Variants in MRC1 observed in about 807,000 individuals in gnomAD.
MRC1 encodes the protein mannose receptor C-type 1, also known as macrophage mannose receptor 1.
MRC1 carries 62 observed loss-of-function variants against 102.9 expected under a neutral mutation model. That is an observed-to-expected ratio of 0.60 (90% CI 0.49 to 0.74). The LOEUF (loss-of-function observed/expected upper bound fraction) is 0.74, where lower values mean the gene tolerates loss of function less well. MRC1 is among the 30% of genes least tolerant of loss of function. The pLI is 0.00. For synonymous variants in MRC1, 457 were observed against 298.4 expected (o/e 1.53, Z -5.48); for missense variants, 1,237 against 862.8 (o/e 1.43, Z -5.43).
chr10:17,888,386 C>T (rs1833629276), intron 22 of MRC1, among the ~76,000 whole-genome samples: 1 of 152,142 alleles, frequency 6.6e-6, no homozygotes, highest in African/African-American at 2.4e-5. Flanking sequence ...ATGTCTGTGG[C>T]AGGAGTGTAG....
chr10:17,898,082 T>C lies in MRC1; in HGVS notation c.3299T>C (p.Val1100Ala), dbSNP rs1350352907. Residue 1100 changes from valine to alanine, a missense_variant, in exon 24 of 30, where the codon GTT becomes GCT. Val to Ala is a moderately conservative substitution (Grantham distance 64). Coordinates refer to ENST00000569591, the MANE Select transcript of MRC1 (RefSeq NM_002438.4). ...GCAACGATTCAAACAGATGGCTTTG[T>C]TAAATATGGCAAAAGCAGCTATTCA... Reference protein sequence around the residue: ...PPATIQTDGFVKYGKSSYSLM... With the variant: ...PPATIQTDGFAKYGKSSYSLM... 3.5e-5 allele frequency: 27 copies of C among 780,744 alleles called. No individual in the cohort carries two copies. Among genetic ancestry groups the C allele is most frequent in the Non-Finnish European group, 6.5e-5 (27 of 417,952 alleles). The allele number at this position is 780,744 out of a possible 1,614,324, so 48.4% of individuals were successfully genotyped here. A position where few individuals can be genotyped will look rare whatever the true frequency, so the allele number is the denominator to read the frequency against.
chr10:17,907,899 C>T (rs1030184152), intron 28 of MRC1, among the ~76,000 whole-genome samples: 4 of 152,182 alleles, frequency 2.6e-5, no homozygotes, highest in Non-Finnish European at 5.9e-5. Flanking sequence ...GTCTGCTTAG[C>T]TGTTGTATTG....
intron 21 of MRC1, among the ~76,000 whole-genome samples, chr10:17,883,132 C>A (rs892996223): frequency 7.9e-5 from 12 of 152,064 alleles, no homozygotes; most frequent in African/African-American, 2.9e-4. Context: ...TCTACCCATG[C>A]TCTTTTCTTT....
intron 1 of MRC1, among the ~76,000 whole-genome samples, chr10:17,818,232 A>G (rs1298114887): frequency 1.3e-5 from 2 of 152,212 alleles, no homozygotes; most frequent in Non-Finnish European, 2.9e-5. Context: ...ATCATTAGAT[A>G]AATAATTTAT....
intron 9 of MRC1, among the ~76,000 whole-genome samples, chr10:17,858,492 G>C (rs1334255407): frequency 7.2e-5 from 11 of 151,780 alleles, no homozygotes; most frequent in African/African-American, 2.7e-4. Context: ...TCCCTGGTGT[G>C]ATTCTTTTTT....
Position 17,892,793 on chromosome 10 carries a change from C to T in MRC1, c.3148-1417C>T, listed in dbSNP as rs931487648. ...TTGGGAGGCTGAGGTGGGCAGTTCACGAGGTCAAGAGATCGAGACCATCCT... is the reference window on the plus strand; with the variant it reads ...TTGGGAGGCTGAGGTGGGCAGTTCATGAGGTCAAGAGATCGAGACCATCCT... On this transcript the variant is annotated intron_variant, in intron 22 of 29. Coordinates refer to ENST00000569591, the MANE Select transcript of MRC1 (RefSeq NM_002438.4). 2.0e-4 allele frequency among the ~76,000 whole-genome samples: 30 copies of T among 152,194 alleles called. No homozygotes were observed. The East Asian group carries it at 5.2e-3, about 27-fold the overall frequency.
intron 9 of MRC1, among the ~76,000 whole-genome samples, chr10:17,860,709 A>C (rs1833171764): frequency 6.6e-6 from 1 of 152,192 alleles, no homozygotes; most frequent in African/African-American, 2.4e-5. Context: ...TTCCATAGGC[A>C]ACTAGGTTTG....
intron 2 of MRC1, among the ~76,000 whole-genome samples, chr10:17,826,864 T>C (rs1005872197): frequency 3.9e-5 from 6 of 152,212 alleles, no homozygotes; most frequent in Non-Finnish European, 7.3e-5. Flanking sequence ...CTTTTCATGA[T>C]AGGGATTAGA....
At chr10:17,898,761 A>T (rs1320661085) in intron 24 of MRC1, among the ~76,000 whole-genome samples, 9 of 152,208 alleles carry the variant, frequency 5.9e-5, no homozygotes, top group African/African-American at 2.2e-4. Flanking sequence ...ATTCCATAAT[A>T]GACTAAGGTT....
At chr10:17,846,905 C>A (rs1448472993) in intron 6 of MRC1, among the ~76,000 whole-genome samples, 2 of 152,148 alleles carry the variant, frequency 1.3e-5, no homozygotes, top group African/African-American at 4.8e-5. Flanking sequence ...TAACTATATA[C>A]ATTCTATGCA....
chr10:17,815,204 T>G (rs1377834559), intron 1 of MRC1, among the ~76,000 whole-genome samples: 1 of 152,020 alleles, frequency 6.6e-6, no homozygotes, highest in Non-Finnish European at 1.5e-5. Flanking sequence ...GATGGGGAAG[T>G]GGAAGCACAG....
chr10:17,845,255 AATAGTCC>A, intron 5 of MRC1, 27 bp from the exon 6 acceptor site: 1 of 780,774 alleles, frequency 1.3e-6, no homozygotes, highest in South Asian at 1.3e-5. Flanking sequence ...GAATAGCTAT[AATAGTCC>A]ACTTTAACTT....
intron 24 of MRC1, 134 bp from the exon 25 acceptor site, chr10:17,900,654 C>A: frequency 2.7e-6 from 2 of 730,954 alleles, no homozygotes; most frequent in Non-Finnish European, 5.0e-6. Flanking sequence ...TTATAGTGTT[C>A]TTTTTATTCT....
chr10:17,898,836 A>G (rs1833790395), intron 24 of MRC1, among the ~76,000 whole-genome samples: 1 of 152,226 alleles, frequency 6.6e-6, no homozygotes, highest in Non-Finnish European at 1.5e-5. Flanking sequence ...TATTCCTAAA[A>G]TGAGTCTTCT....
At chr10:17,850,389 C>G (rs1240090278) in intron 7 of MRC1, among the ~76,000 whole-genome samples, 1 of 150,850 alleles carries the variant, frequency 6.6e-6, no homozygotes, top group Admixed American at 6.6e-5. Context: ...TAGCTTGAGC[C>G]CAGGAGTTTG....
At chr10:17,905,074 G>A (rs1175480985) in intron 26 of MRC1, among the ~76,000 whole-genome samples, 4 of 152,176 alleles carry the variant, frequency 2.6e-5, no homozygotes, top group African/African-American at 4.8e-5. Flanking sequence ...TGCGAGTGGG[G>A]TTTTCTAGGG....
intron 5 of MRC1, 34 bp downstream of exon 5, chr10:17,840,840 A>C (rs1838739020): frequency 1.3e-6 from 1 of 780,666 alleles, no homozygotes; most frequent in Admixed American, 1.7e-5. Context: ...GAATTAATCC[A>C]AATTTAAGTC....
At chr10:17,840,658 CTTGT>C (rs782295583) in intron 4 of MRC1, 31 bp from the exon 5 acceptor site, 1 of 779,140 alleles carries the variant, frequency 1.3e-6, no homozygotes, top group Non-Finnish European at 2.4e-6. Flanking sequence ...ATGCCAAGTT[CTTGT>C]TTGTTTGTTT....
intron 21 of MRC1, among the ~76,000 whole-genome samples, chr10:17,881,695 G>A (rs1307443758): frequency 9.3e-5 from 4 of 42,912 alleles, no homozygotes; most frequent in Non-Finnish European, 1.7e-4. Context: ...TTTTTTTTTG[G>A]TAACAAGGTC....
Sources: gnomAD v4.1 joint callset for allele counts (sites outside exome capture counted in the v4.1 genomes callset) on GRCh38, gnomAD v4.1.1 for gene constraint, MANE v1.5 for transcripts, NCBI Gene and HGNC (gene_info 2026-07-23, HGNC 2026-07-21) for gene names.